Variants in TMEM132D observed in about 807,000 individuals in gnomAD.
The protein encoded by TMEM132D is transmembrane protein 132D.
A neutral mutation model predicts 62.3 loss-of-function variants in TMEM132D; 21 were observed. The ratio of observed to expected loss-of-function variants is 0.34; its 90% confidence interval spans 0.24 to 0.49. TMEM132D has a LOEUF of 0.49. TMEM132D is among the 20% of genes least tolerant of loss of function. The pLI is 0.99. For missense variants in TMEM132D, 1,346 were observed against 1,402.8 expected (o/e 0.96, Z 0.65); for synonymous variants, 621 against 575.6 (o/e 1.08, Z -1.13).
intron 3 of TMEM132D, among the ~76,000 whole-genome samples, chr12:129,416,478 T>C (rs191819103): frequency 6.6e-6 from 1 of 152,220 alleles, no homozygotes; most frequent in East Asian, 1.9e-4. Flanking sequence ...TTTCTAAACA[T>C]ACAATCATGT....
intron 2 of TMEM132D, among the ~76,000 whole-genome samples, chr12:129,601,570 G>A (rs1390229528): frequency 6.6e-6 from 1 of 152,150 alleles, no homozygotes; most frequent in African/African-American, 2.4e-5. Context: ...TGTGAGATGT[G>A]CAACTCTTCC....
At chr12:129,192,329 G>A (rs1333586001) in intron 5 of TMEM132D, among the ~76,000 whole-genome samples, 1 of 152,182 alleles carries the variant, frequency 6.6e-6, no homozygotes, top group African/African-American at 2.4e-5. Context: ...TCCAAAGTAA[G>A]AAGTGTATCA....
At chr12:129,145,366 G>A (rs952422313) in intron 5 of TMEM132D, among the ~76,000 whole-genome samples, 14 of 152,242 alleles carry the variant, frequency 9.2e-5, no homozygotes, top group African/African-American at 3.4e-4. Flanking sequence ...GCGGGTGGGG[G>A]GTTCAGGGAT....
At chr12:129,629,025 C>T (rs762557378) in intron 2 of TMEM132D, among the ~76,000 whole-genome samples, 14 of 151,694 alleles carry the variant, frequency 9.2e-5, no homozygotes, top group Non-Finnish European at 2.1e-4. Context: ...TTACCTGGTT[C>T]TCTCCCTCTA....
At chr12:129,161,483 C>T (rs74767231) in intron 5 of TMEM132D, among the ~76,000 whole-genome samples, 1,801 of 152,264 alleles carry the variant, frequency 0.012, 43 homozygotes, top group African/African-American at 0.041. Context: ...AAGATTGCAG[C>T]CGTGGGGAGA....
intron 4 of TMEM132D, among the ~76,000 whole-genome samples, chr12:129,307,967 T>A (rs1190274785): frequency 6.6e-6 from 1 of 152,232 alleles, no homozygotes; most frequent in Non-Finnish European, 1.5e-5. Context: ...TCTTGAGACA[T>A]TTCTCTCGAA....
At position 129,530,916 on chromosome 12, in the gene TMEM132D, A is replaced by G. The variant is rs111997598; in HGVS notation, c.1115+143T>C. 2,126 of 831,876 alleles carry G rather than the reference A, an allele frequency of 2.6e-3. 32 individuals carry two copies. The African/African-American group carries it at 0.032, about 12-fold the overall frequency. The allele number at this position is 831,876 out of a possible 1,614,324, so 51.5% of individuals were successfully genotyped here. On this transcript the variant is annotated intron_variant, in intron 3 of 8. Coordinates refer to ENST00000422113, the MANE Select transcript of TMEM132D (RefSeq NM_133448.3). The stretch of plus-strand genomic sequence containing the variant: ...CCCAAATGAAAGATTCCATTCATCT[A>G]CCTGGAGGCCCTGATAGAATAGACG...
chr12:129,800,559 A>T (rs1324758051), intron 1 of TMEM132D, among the ~76,000 whole-genome samples: 1 of 152,142 alleles, frequency 6.6e-6, no homozygotes, highest in Non-Finnish European at 1.5e-5. Context: ...AGTGGAGGCC[A>T]TAGAATCCTA....
rs78119805 is a variant in TMEM132D at position 129,321,382 on chromosome 12, G to T, written c.1299+16252C>A. Reference sequence around the variant, plus strand: ...ACTTCCCAAAGTTACTGTGATCAGGGGTGACAGAAACATAGGTTTTTCGTC... The same window carrying T: ...ACTTCCCAAAGTTACTGTGATCAGGTGTGACAGAAACATAGGTTTTTCGTC... On this transcript the variant is annotated intron_variant, in intron 4 of 8. Coordinates refer to ENST00000422113, the MANE Select transcript of TMEM132D (RefSeq NM_133448.3). Among the ~76,000 whole-genome samples, 1,407 of 152,200 alleles carry T rather than the reference G, an allele frequency of 9.2e-3. 31 individuals are homozygous for T. The highest frequency in any genetic ancestry group is 0.032 in the African/African-American group (1,325 of 41,514).
At chr12:129,645,606 C>G (rs914497073) in intron 2 of TMEM132D, among the ~76,000 whole-genome samples, 11 of 152,090 alleles carry the variant, frequency 7.2e-5, no homozygotes, top group African/African-American at 2.4e-4. Context: ...TGACTTTTGT[C>G]TTCATTTCAT....
chr12:129,624,153 T>G lies in TMEM132D; in HGVS notation c.968+75657A>C, dbSNP rs376541712. 3.1e-3 allele frequency among the ~76,000 whole-genome samples: 473 copies of G among 152,348 alleles called. 5 individuals are homozygous for G. Among genetic ancestry groups the G allele is most frequent in the African/African-American group, 0.011 (456 of 41,584 alleles). ...ACTACATAAGTCTCTCTGATCTGCA[T>G]GTATTATAATCTACCTTAGCTAATT... On this transcript the variant is annotated intron_variant, in intron 2 of 8. Transcript: ENST00000422113.
At chr12:129,580,117 G>A (rs2137125795) in intron 2 of TMEM132D, among the ~76,000 whole-genome samples, 1 of 152,338 alleles carries the variant, frequency 6.6e-6, no homozygotes, top group Admixed American at 6.5e-5. Flanking sequence ...GGAACGAAAG[G>A]AAGGGAGGTT....
chr12:129,259,150 G>T (rs1880485734), intron 4 of TMEM132D, among the ~76,000 whole-genome samples: 1 of 152,118 alleles, frequency 6.6e-6, no homozygotes, highest in Non-Finnish European at 1.5e-5. Flanking sequence ...ATGGTTAGGT[G>T]GCTCCTGAAC....
intron 3 of TMEM132D, among the ~76,000 whole-genome samples, chr12:129,524,589 A>C (rs983408096): frequency 1.3e-5 from 2 of 152,226 alleles, no homozygotes; most frequent in Non-Finnish European, 2.9e-5. Flanking sequence ...GGCTGCAATT[A>C]CAGCCCTGTA....
At chr12:129,415,065 C>G (rs1037392159) in intron 3 of TMEM132D, among the ~76,000 whole-genome samples, 1 of 152,200 alleles carries the variant, frequency 6.6e-6, no homozygotes, top group Non-Finnish European at 1.5e-5. Flanking sequence ...GCATCATCCA[C>G]TGATGGGCAC....
intron 5 of TMEM132D, among the ~76,000 whole-genome samples, chr12:129,095,431 T>C (rs1040695727): frequency 6.9e-6 from 1 of 144,096 alleles, no homozygotes; most frequent in African/African-American, 2.6e-5. Context: ...CTTGGCTCAC[T>C]GCAACCTCTG....
At position 129,476,570 on chromosome 12, in the gene TMEM132D, C is replaced by T. The variant is rs189225766; in HGVS notation, c.1115+54489G>A. On this transcript the variant is annotated intron_variant, in intron 3 of 8. Transcript: ENST00000422113. ...AACACTCCTTGGGTCCAGGGGATGGCCCCTAATGCCCAAGTTCACGCTGAG... is the reference window on the plus strand; with the variant it reads ...AACACTCCTTGGGTCCAGGGGATGGTCCCTAATGCCCAAGTTCACGCTGAG... Among the ~76,000 whole-genome samples the T allele has an allele frequency of 1.8e-3, 267 of 152,196 alleles. 1 individual carries two copies. Among genetic ancestry groups the T allele is most frequent in the Non-Finnish European group, 2.8e-3 (190 of 67,990 alleles).
At chr12:129,727,200 C>T (rs947844189) in intron 1 of TMEM132D, among the ~76,000 whole-genome samples, 1 of 152,186 alleles carries the variant, frequency 6.6e-6, no homozygotes, top group Non-Finnish European at 1.5e-5. Flanking sequence ...GAATACCATA[C>T]ACTGGGAATC....
rs1870598719 is a variant in TMEM132D, at chr12:129,371,496, G to A, written c.1116-33679C>T. Among the ~76,000 whole-genome samples, 1 of 151,974 alleles carries A rather than the reference G, an allele frequency of 6.6e-6. No homozygotes were observed. The highest frequency in any genetic ancestry group is 2.4e-5 in the African/African-American group (1 of 41,378). ...ATGATGTGATAATGGTGATAAAGATGACAGTGGCAATGATAATGGTGGTGA... is the reference window on the plus strand; with the variant it reads ...ATGATGTGATAATGGTGATAAAGATAACAGTGGCAATGATAATGGTGGTGA... On this transcript the variant is annotated intron_variant, in intron 3 of 8. Transcript: ENST00000422113. The surrounding 1 kb of genome is among the most constrained non-coding windows in gnomAD (Gnocchi z 4.3).
Sources: allele counts gnomAD v4.1 joint callset (sites outside exome capture counted in the v4.1 genomes callset), GRCh38; gene constraint gnomAD v4.1.1; non-coding constraint Gnocchi (gnomAD v3.1); transcripts MANE v1.5; gene names NCBI Gene and HGNC (gene_info 2026-07-23, HGNC 2026-07-21).